Variants in FMN1 observed in about 807,000 individuals in gnomAD.
FMN1 encodes the protein formin 1, also known as formin-1.
FMN1 carries 110 observed loss-of-function variants against 132.4 expected under a neutral mutation model. The observed-to-expected ratio is 0.83, with a 90% CI of 0.71 to 0.97. The LOEUF is 0.97. Ranked by LOEUF, FMN1 falls within the 50% of genes least tolerant of loss-of-function variation. The pLI is 0.00. For missense variants in FMN1, 1,792 were observed against 1,705.3 expected (o/e 1.05, Z -0.90); for synonymous variants, 722 against 651.7 (o/e 1.11, Z -1.64).
rs61736694 is a variant in FMN1 at position 32,969,327 on chromosome 15, C to G, written c.2374G>C (p.Asp792His). 1 of 1,613,798 alleles carries G rather than the reference C, an allele frequency of 6.2e-7. No homozygotes were observed. Among genetic ancestry groups the G allele is most frequent in the Non-Finnish European group, 8.5e-7 (1 of 1,179,880 alleles). ...AAGGTCTTTGGAGGGCAGTCATCAT[C>G]GGTGGAAATGCACACATCTTTCCTC... ...EERKDVCIST[D>H]DDCPPKTFRN... The change falls in exon 8 of 21, where the codon GAT becomes CAT. Residue 792 changes from aspartate (D) to histidine (H), a missense_variant. Physicochemically the swap from Asp to His is moderately conservative, Grantham distance 81 (BLOSUM62 -1). This residue lies in a region of FMN1 where 1,150 missense variants were observed against 1,043.1 expected (regional missense o/e 1.10). Transcript: ENST00000616417.
rs769264402 is a variant in FMN1, at chr15:32,766,349, G to A, written c.*7961C>T. 1.3e-5 allele frequency: 2 copies of A among 152,172 alleles called. No homozygotes were observed. The highest frequency in any genetic ancestry group is 2.9e-5 in the Non-Finnish European group (2 of 68,036). 9.4% of individuals were successfully genotyped at this position (152,172 alleles called of 1,614,324 possible). A position where few individuals can be genotyped will look rare whatever the true frequency, so the allele number is the denominator to read the frequency against. ...GCAATAAAAATCCTTATGATTCAAA[G>A]TGTTTGCCTGCACAGAATTAAGTCA... On this transcript the variant is annotated 3_prime_UTR_variant, in exon 21 of 21. Coordinates refer to ENST00000616417, the MANE Select transcript of FMN1 (RefSeq NM_001277313.2).
At chr15:32,870,047 T>C (rs2059479287) in intron 16 of FMN1, among the ~76,000 whole-genome samples, 1 of 152,220 alleles carries the variant, frequency 6.6e-6, no homozygotes, top group African/African-American at 2.4e-5. Context: ...GCTCTAGTTT[T>C]CCTGGTCAAG....
intron 4 of FMN1, among the ~76,000 whole-genome samples, chr15:33,090,859 A>G (rs2038878150): frequency 6.6e-6 from 1 of 152,180 alleles, no homozygotes; most frequent in African/African-American, 2.4e-5. Context: ...TTATATTTTA[A>G]CAGATGAAGA....
chr15:33,118,965 A>G (rs1213213299), intron 4 of FMN1, among the ~76,000 whole-genome samples: 3 of 152,190 alleles, frequency 2.0e-5, no homozygotes, highest in African/African-American at 7.2e-5. Flanking sequence ...GTTCAACATA[A>G]TTGAATGAAA....
At chr15:32,803,029 G>T (rs1012817555) in intron 18 of FMN1, among the ~76,000 whole-genome samples, 27 of 152,212 alleles carry the variant, frequency 1.8e-4, no homozygotes, top group African/African-American at 6.5e-4. Flanking sequence ...GGTAATTACA[G>T]TGGGAAGCAG....
At chr15:32,913,407 C>T (rs2060611268) in intron 10 of FMN1, among the ~76,000 whole-genome samples, 1 of 152,168 alleles carries the variant, frequency 6.6e-6, no homozygotes, top group Non-Finnish European at 1.5e-5. Flanking sequence ...TCGGCGAAGT[C>T]TAAACTCCTT....
chr15:32,942,135 T>C (rs1052269371), intron 9 of FMN1, among the ~76,000 whole-genome samples: 1 of 152,216 alleles, frequency 6.6e-6, no homozygotes, highest in Non-Finnish European at 1.5e-5. Context: ...GTGCGTACTA[T>C]TACATCGCCT....
chr15:32,981,623 T>C (rs2032685099), intron 7 of FMN1, among the ~76,000 whole-genome samples: 1 of 151,246 alleles, frequency 6.6e-6, no homozygotes. Context: ...GTCAACTTTG[T>C]TGTCCTCAAA....
intron 4 of FMN1, among the ~76,000 whole-genome samples, chr15:33,124,179 A>G (rs542680160): frequency 6.6e-6 from 1 of 152,264 alleles, no homozygotes; most frequent in Non-Finnish European, 1.5e-5. Context: ...TGCAGAGTGC[A>G]AAGGGTGAGA....
At position 33,078,461 on chromosome 15, in the gene FMN1, T is replaced by G. The variant is rs914346479; in HGVS notation, c.2043+10338A>C. On this transcript the variant is annotated intron_variant, in intron 5 of 20. Transcript: ENST00000616417. ...CAATACTTTAAAAAGCCTCATGAAA[T>G]ATTCTGAAGAAATGCTGTAACAGTT... Among the ~76,000 whole-genome samples, 3 of 152,202 alleles carry G rather than the reference T, an allele frequency of 2.0e-5. No individual in the cohort carries two copies. The East Asian group carries it at 5.8e-4, about 29-fold the overall frequency.
At chr15:33,044,140 C>T (rs984850622) in intron 6 of FMN1, among the ~76,000 whole-genome samples, 1 of 152,214 alleles carries the variant, frequency 6.6e-6, no homozygotes, top group Non-Finnish European at 1.5e-5. Flanking sequence ...GGCCTTGGTG[C>T]CCTCAAGACT....
chr15:32,897,354 G>C (rs899243837), intron 15 of FMN1, among the ~76,000 whole-genome samples: 12 of 152,042 alleles, frequency 7.9e-5, no homozygotes, highest in Admixed American at 1.3e-4. Context: ...TACTTGTCTG[G>C]TTAAGTCTGT....
At chr15:32,805,354 TG>T (rs562622450) in intron 17 of FMN1, among the ~76,000 whole-genome samples, 411 of 152,340 alleles carry the variant, frequency 2.7e-3, no homozygotes, top group African/African-American at 9.5e-3. Flanking sequence ...TCGATGGGGT[TG>T]TTTTTTTCTT....
intron 7 of FMN1, among the ~76,000 whole-genome samples, chr15:32,996,103 G>A (rs922677709): frequency 6.6e-6 from 1 of 152,300 alleles, no homozygotes; most frequent in South Asian, 2.1e-4. Flanking sequence ...ATGATAGATA[G>A]GTCATCTACC....
At chr15:32,973,314 C>G (rs530504451) in intron 7 of FMN1, among the ~76,000 whole-genome samples, 1 of 152,254 alleles carries the variant, frequency 6.6e-6, no homozygotes, top group African/African-American at 2.4e-5. Flanking sequence ...TAAACAGGTC[C>G]ATGCTCTTTC....
intron 7 of FMN1, among the ~76,000 whole-genome samples, chr15:33,006,983 T>A (rs992257984): frequency 3.3e-5 from 5 of 152,152 alleles, no homozygotes; most frequent in African/African-American, 1.2e-4. Flanking sequence ...TGATCTTCTG[T>A]ACAACATGGT....
chr15:32,775,782 G>A (rs1258735), intron 20 of FMN1, among the ~76,000 whole-genome samples: 135,524 of 152,228 alleles, frequency 0.89, 61,156 homozygotes, highest in Non-Finnish European at 0.98. Context: ...ATCTCACTTT[G>A]TAACTTAGAA....
intron 19 of FMN1, among the ~76,000 whole-genome samples, chr15:32,781,183 A>G (rs2056651957): frequency 1.3e-5 from 2 of 152,214 alleles, no homozygotes; most frequent in South Asian, 4.1e-4. Context: ...TTTCTTCAAA[A>G]AATCTTCAAA....
chr15:32,889,520 C>T (rs1190891539), intron 15 of FMN1, among the ~76,000 whole-genome samples: 1 of 152,110 alleles, frequency 6.6e-6, no homozygotes, highest in Non-Finnish European at 1.5e-5. Flanking sequence ...TTTTACCTTC[C>T]CCCTATCTCC....
Sources: allele counts gnomAD v4.1 joint callset (sites outside exome capture counted in the v4.1 genomes callset), GRCh38; gene constraint gnomAD v4.1.1; regional missense constraint gnomAD v4.1.1; transcripts MANE v1.5; gene names NCBI Gene and HGNC (gene_info 2026-07-23, HGNC 2026-07-21).